Variants in MAP3K21 observed in about 807,000 individuals in gnomAD.
The protein encoded by MAP3K21 is mitogen-activated protein kinase kinase kinase MLK4.
Under a neutral mutation model 86.1 loss-of-function variants are expected in MAP3K21, and 63 were observed. That is an observed-to-expected ratio of 0.73 (90% confidence interval 0.60 to 0.90). The LOEUF (loss-of-function observed/expected upper bound fraction) is 0.90. Ranked by LOEUF, MAP3K21 falls within the 40% of genes least tolerant of loss-of-function variation. MAP3K21 has a pLI of 0.00. For missense variants in MAP3K21, 1,220 were observed against 1,367.7 expected, an observed-to-expected ratio of 0.89 and a Z score of 1.70; for synonymous variants, 558 against 564.8, an observed-to-expected ratio of 0.99 and a Z score of 0.17.
chr1:233,335,447 A>G (rs1157562720), intron 1 of MAP3K21, among the ~76,000 whole-genome samples: 1 of 152,178 alleles, frequency 6.6e-6, no homozygotes, highest in Non-Finnish European at 1.5e-5. Context: ...GGCATATTAG[A>G]TGCCGAGCAC....
chr1:233,330,988 A>G (rs967098801), intron 1 of MAP3K21, among the ~76,000 whole-genome samples: 4 of 152,220 alleles, frequency 2.6e-5, no homozygotes, highest in African/African-American at 9.6e-5. Flanking sequence ...ATAAATGTTT[A>G]AAGAACTCCT....
intron 9 of MAP3K21, among the ~76,000 whole-genome samples, chr1:233,381,189 G>T (rs979445225): frequency 6.6e-6 from 1 of 152,166 alleles, no homozygotes. Context: ...GAAGCTAGCT[G>T]GGCTCATATC....
intron 3 of MAP3K21, 53 bp from the exon 4 acceptor site, chr1:233,354,783 C>A: frequency 5.1e-6 from 3 of 591,770 alleles, no homozygotes; most frequent in Non-Finnish European, 6.8e-6. Context: ...CATTTCTTAG[C>A]AACTCTAAAC....
chr1:233,366,044 C>T (rs988665509), intron 5 of MAP3K21, among the ~76,000 whole-genome samples: 5 of 152,086 alleles, frequency 3.3e-5, no homozygotes, highest in Admixed American at 1.3e-4. Flanking sequence ...TTTGTGGCAA[C>T]GTGGATGAGC....
intron 5 of MAP3K21, among the ~76,000 whole-genome samples, chr1:233,368,156 TA>T (rs1402251010): frequency 6.6e-6 from 1 of 152,248 alleles, no homozygotes; most frequent in Non-Finnish European, 1.5e-5. Flanking sequence ...CCTCTTGCTG[TA>T]AAAGTTCTCA....
intron 2 of MAP3K21, among the ~76,000 whole-genome samples, chr1:233,347,016 C>G (rs1663154651): frequency 6.6e-6 from 1 of 152,172 alleles, no homozygotes; most frequent in African/African-American, 2.4e-5. Context: ...GCTAGGACCA[C>G]AGGTGTGCAC....
intron 1 of MAP3K21, among the ~76,000 whole-genome samples, chr1:233,329,332 C>T (rs1352271303): frequency 2.0e-5 from 3 of 152,184 alleles, no homozygotes; most frequent in African/African-American, 7.2e-5. Flanking sequence ...ATGTCTCTTA[C>T]CTTTTCCAAA....
At chr1:233,349,957 G>A (rs922310237) in intron 2 of MAP3K21, among the ~76,000 whole-genome samples, 3 of 151,138 alleles carry the variant, frequency 2.0e-5, no homozygotes, top group Non-Finnish European at 2.9e-5. Context: ...AAAAAAAGGC[G>A]AAAGATGAAA....
chr1:233,330,726 A>G (rs1662794815), intron 1 of MAP3K21, among the ~76,000 whole-genome samples: 1 of 152,210 alleles, frequency 6.6e-6, no homozygotes, highest in Non-Finnish European at 1.5e-5. Flanking sequence ...TCCTTAGGCT[A>G]AAAAGTTAAA....
intron 4 of MAP3K21, among the ~76,000 whole-genome samples, chr1:233,360,849 G>A (rs1270358825): frequency 6.6e-6 from 1 of 152,082 alleles, no homozygotes; most frequent in Non-Finnish European, 1.5e-5. Context: ...CCTATTTAAA[G>A]TGTGGCCTGT....
At chr1:233,348,981 TA>T (rs1663198970) in intron 2 of MAP3K21, among the ~76,000 whole-genome samples, 1 of 152,190 alleles carries the variant, frequency 6.6e-6, no homozygotes, top group Non-Finnish European at 1.5e-5. Flanking sequence ...AAAAGTTCCA[TA>T]AAACTGCCTT....
At chr1:233,359,210 A>C (rs1010576870) in intron 4 of MAP3K21, among the ~76,000 whole-genome samples, 1 of 152,218 alleles carries the variant, frequency 6.6e-6, no homozygotes, top group Non-Finnish European at 1.5e-5. Context: ...TTAAAATAAA[A>C]GCATGCTTCA....
Position 233,372,042 on chromosome 1 carries a change from C to A in MAP3K21, c.1557C>A (p.Phe519Leu). 1 of 1,611,918 alleles carries A rather than the reference C, an allele frequency of 6.2e-7. No homozygotes were observed. Among genetic ancestry groups the A allele is most frequent in the African/African-American group, 1.3e-5 (1 of 74,950 alleles). ...CTCCCTTTTTGCCTCCAACAGATTTCCAGCACAAGATAACCGTGCAGGCCT... is the reference window on the plus strand; with the variant it reads ...CTCCCTTTTTGCCTCCAACAGATTTACAGCACAAGATAACCGTGCAGGCCT... Reference protein sequence around the residue: ...DGHRISLPSDFQHKITVQASP... With the variant: ...DGHRISLPSDLQHKITVQASP... The change falls in exon 6 of 10, where the codon TTC becomes TTA. Residue 519 changes from phenylalanine (F) to leucine (L), a missense_variant. By Grantham distance (22) the Phe-to-Leu change is conservative (BLOSUM62 0). Coordinates refer to ENST00000366624, the MANE Select transcript of MAP3K21 (RefSeq NM_032435.3).
intron 4 of MAP3K21, among the ~76,000 whole-genome samples, chr1:233,358,218 C>T (rs1270255525): frequency 1.3e-5 from 2 of 151,986 alleles, no homozygotes; most frequent in African/African-American, 4.8e-5. Context: ...GCAAAGCAGC[C>T]AGAGCCCTAC....
chr1:233,374,701 A>G (rs7413750), intron 6 of MAP3K21, among the ~76,000 whole-genome samples: 33,593 of 151,800 alleles, frequency 0.22, 3,899 homozygotes, highest in South Asian at 0.3. Flanking sequence ...TCCTCTGTGT[A>G]TGTATGTGTG....
intron 1 of MAP3K21, among the ~76,000 whole-genome samples, chr1:233,336,000 A>G (rs1359506871): frequency 9.9e-5 from 15 of 152,134 alleles, no homozygotes; most frequent in Admixed American, 7.9e-4. Context: ...CCTAGACTAT[A>G]CTTTGAGAAC....
At chr1:233,344,498 T>C (rs1663096762) in intron 1 of MAP3K21, among the ~76,000 whole-genome samples, 1 of 152,192 alleles carries the variant, frequency 6.6e-6, no homozygotes, top group Non-Finnish European at 1.5e-5. Flanking sequence ...CCCTATTTAA[T>C]AAATGGTGCT....
At chr1:233,375,834 T>C in intron 6 of MAP3K21, 82 bp from the exon 7 acceptor site, 3 of 1,058,838 alleles carry the variant, frequency 2.8e-6, no homozygotes, top group Non-Finnish European at 4.3e-6. Context: ...ACAACTGATA[T>C]GATTCATTTA....
At chr1:233,365,818 G>A (rs1019519159) in intron 5 of MAP3K21, among the ~76,000 whole-genome samples, 1 of 152,132 alleles carries the variant, frequency 6.6e-6, no homozygotes, top group East Asian at 1.9e-4. Flanking sequence ...ACTGCTGTAT[G>A]ATCCAGGAAT....
Sources: allele counts gnomAD v4.1 joint callset (sites outside exome capture counted in the v4.1 genomes callset), GRCh38; gene constraint gnomAD v4.1.1; transcripts MANE v1.5; gene names NCBI Gene and HGNC (gene_info 2026-07-23, HGNC 2026-07-21).